The following SWT1 variants were observed in gnomAD, a reference collection of about 807,000 sequenced individuals.
SWT1 encodes SWT1 RNA endoribonuclease homolog.
In SWT1, 33 loss-of-function variants were observed where a neutral mutation model predicts 107.3. That is an observed-to-expected ratio of 0.31 (90% CI 0.23 to 0.41). SWT1 has a LOEUF of 0.41. Ranked by LOEUF, SWT1 falls within the 10% of genes least tolerant of loss-of-function variation. The pLI is 1.00. For missense variants in SWT1, 898 were observed against 1,028.9 expected (o/e 0.87, Z 1.74); for synonymous variants, 345 against 348.3 (o/e 0.99, Z 0.11).
intron 13 of SWT1, among the ~76,000 whole-genome samples, chr1:185,211,539 A>C (rs973427076): frequency 1.3e-5 from 2 of 152,150 alleles, no homozygotes. Context: ...CATCTCTCCA[A>C]AGCGGTTTTA....
At chr1:185,195,640 C>T (rs1282631510) in intron 10 of SWT1, among the ~76,000 whole-genome samples, 2 of 152,164 alleles carry the variant, frequency 1.3e-5, no homozygotes, top group Non-Finnish European at 2.9e-5. Flanking sequence ...CCTATTTCTC[C>T]ACATTCTCTC....
chr1:185,282,036 G>A (rs1437594364), intron 18 of SWT1, among the ~76,000 whole-genome samples: 1 of 152,182 alleles, frequency 6.6e-6, no homozygotes, highest in Non-Finnish European at 1.5e-5. Flanking sequence ...AGTTGAGGAT[G>A]TAATAGTCAG....
intron 18 of SWT1, among the ~76,000 whole-genome samples, chr1:185,289,557 C>A (rs1447902467): frequency 6.6e-6 from 1 of 152,124 alleles, no homozygotes; most frequent in Admixed American, 6.6e-5. Context: ...TATCTGCACT[C>A]CAATGTTCAT....
intron 5 of SWT1, chr1:185,176,775 G>T (rs1655596259): frequency 1.4e-6 from 1 of 697,802 alleles, no homozygotes; most frequent in Non-Finnish European, 1.8e-6. Flanking sequence ...ACGAGGTCAG[G>T]AGATCGAGAC....
At chr1:185,274,173 TA>T (rs1214548631) in intron 17 of SWT1, among the ~76,000 whole-genome samples, 4 of 151,426 alleles carry the variant, frequency 2.6e-5, no homozygotes, top group Non-Finnish European at 5.9e-5. Flanking sequence ...TATCTTGTGA[TA>T]TAAAGAAACA....
chr1:185,264,972 C>G (rs1663270948), intron 16 of SWT1, among the ~76,000 whole-genome samples: 1 of 152,120 alleles, frequency 6.6e-6, no homozygotes, highest in African/African-American at 2.4e-5. Flanking sequence ...TTTTCCTACT[C>G]TAGAATTGCT....
intron 13 of SWT1, among the ~76,000 whole-genome samples, chr1:185,212,730 G>A (rs755981980): frequency 4.0e-5 from 6 of 151,386 alleles, no homozygotes; most frequent in Non-Finnish European, 5.9e-5. Flanking sequence ...TTGAACCCGG[G>A]AGGTGGAGGT....
chr1:185,261,392 C>T (rs541414342), intron 16 of SWT1, among the ~76,000 whole-genome samples: 17 of 152,222 alleles, frequency 1.1e-4, no homozygotes, highest in Admixed American at 2.0e-4. Flanking sequence ...ACATTTTTCC[C>T]CATTCATGCA....
chr1:185,202,588 G>T, intron 10 of SWT1, 66 bp from the exon 11 acceptor site: 1 of 1,394,566 alleles, frequency 7.2e-7, no homozygotes, highest in South Asian at 1.3e-5. Context: ...CATGTGTTTT[G>T]ATTTGCCATG....
intron 10 of SWT1, among the ~76,000 whole-genome samples, chr1:185,194,935 TA>T (rs1345524956): frequency 1.1e-4 from 16 of 152,204 alleles, no homozygotes; most frequent in African/African-American, 3.9e-4. Context: ...GCATACTTTA[TA>T]TGCAGATTTT....
At chr1:185,195,819 C>A (rs887776952) in intron 10 of SWT1, among the ~76,000 whole-genome samples, 3 of 152,178 alleles carry the variant, frequency 2.0e-5, no homozygotes, top group African/African-American at 7.2e-5. Flanking sequence ...CTGTTCATAT[C>A]ATTTGCCCAC....
intron 18 of SWT1, among the ~76,000 whole-genome samples, chr1:185,277,208 T>C (rs1664299333): frequency 6.6e-6 from 1 of 152,236 alleles, no homozygotes; most frequent in Non-Finnish European, 1.5e-5. Context: ...CTGTTCACTT[T>C]TGTGAGAGCA....
At chr1:185,250,164 G>A (rs12119471) in intron 16 of SWT1, among the ~76,000 whole-genome samples, 68,547 of 151,964 alleles carry the variant, frequency 0.45, 17,336 homozygotes, top group African/African-American at 0.7. Flanking sequence ...GTCTCACTCT[G>A]TCATCCAGGC....
chr1:185,229,539 G>T (rs569313163), intron 15 of SWT1, among the ~76,000 whole-genome samples: 38 of 151,620 alleles, frequency 2.5e-4, no homozygotes, highest in African/African-American at 9.2e-4. Flanking sequence ...ATGGTATCTA[G>T]TATATAGTAC....
intron 4 of SWT1, among the ~76,000 whole-genome samples, chr1:185,172,756 A>G (rs921038581): frequency 2.0e-5 from 3 of 152,198 alleles, no homozygotes; most frequent in Non-Finnish European, 2.9e-5. Flanking sequence ...TTGATAGAAG[A>G]AAATGGTATG....
At chr1:185,272,963 G>A (rs1211988788) in intron 17 of SWT1, among the ~76,000 whole-genome samples, 6 of 151,882 alleles carry the variant, frequency 4.0e-5, no homozygotes, top group Non-Finnish European at 1.5e-5. Flanking sequence ...AGTCCGGGAG[G>A]TCAAGGCTGC....
At chr1:185,230,210 C>T (rs1013962075) in intron 15 of SWT1, among the ~76,000 whole-genome samples, 3 of 152,168 alleles carry the variant, frequency 2.0e-5, no homozygotes, top group Admixed American at 2.0e-4. Context: ...ATTTATTAAG[C>T]ATACTCATTC....
intron 5 of SWT1, 108 bp downstream of exon 5, chr1:185,175,221 GT>G (rs1655441713): frequency 1.0e-6 from 1 of 966,818 alleles, no homozygotes; most frequent in South Asian, 2.9e-5. Flanking sequence ...TTTTTTTGTT[GT>G]TGTTTGTTTT....
At chr1:185,159,360 AATAAAC>A (rs1392673121) in intron 1 of SWT1, among the ~76,000 whole-genome samples, 1 of 152,218 alleles carries the variant, frequency 6.6e-6, no homozygotes, top group Non-Finnish European at 1.5e-5. Context: ...CATTTGTCCG[AATAAAC>A]ATAAACATAA....
Sources: gnomAD v4.1 joint callset for allele counts (sites outside exome capture counted in the v4.1 genomes callset) on GRCh38, gnomAD v4.1.1 for gene constraint, MANE v1.5 for transcripts, NCBI Gene and HGNC (gene_info 2026-07-23, HGNC 2026-07-21) for gene names.